BMPR1A: variants seen among roughly 807,000 people sequenced by gnomAD.
BMPR1A encodes the protein bone morphogenetic protein receptor type 1A.
Under a neutral mutation model 66.0 loss-of-function variants are expected in BMPR1A, and 7 were observed. The observed-to-expected ratio is 0.11, with a 90% CI of 0.06 to 0.20. The LOEUF (loss-of-function observed/expected upper bound fraction) is 0.20. Among genes scored for constraint, BMPR1A ranks in the 10% least tolerant of loss-of-function variants. The pLI, the probability that BMPR1A is intolerant of heterozygous loss-of-function variation, is 1.00. For missense variants in BMPR1A, 408 were observed against 669.1 expected (o/e 0.61, Z 4.31); for synonymous variants, 200 against 229.7 (o/e 0.87, Z 1.17).
intron 7 of BMPR1A, among the ~76,000 whole-genome samples, chr10:86,904,411 G>A (rs1423548751): frequency 6.6e-6 from 1 of 152,196 alleles, no homozygotes; most frequent in Non-Finnish European, 1.5e-5. Context: ...ACCTTCTGTT[G>A]GAAACAGTGC....
chr10:86,925,053 G>A lies in BMPR1A; in HGVS notation c.*1334G>A. On this transcript the variant is annotated 3_prime_UTR_variant, in exon 13 of 13. Coordinates refer to ENST00000372037, the MANE Select transcript of BMPR1A (RefSeq NM_004329.3). ...TGTTCTGGACAGCTAAATCATTTGA[G>A]ATTTTTGGTTTTTTGATTTCTATTC... The A allele has an allele frequency of 4.3e-6, 1 of 232,130 alleles. No individual in the cohort carries two copies. The highest frequency in any genetic ancestry group is 8.5e-6 in the Non-Finnish European group (1 of 117,434). 14.4% of individuals were successfully genotyped at this position (232,130 alleles called of 1,614,324 possible). A position where few individuals can be genotyped will look rare whatever the true frequency, so the allele number is the denominator to read the frequency against.
chr10:86,785,886 A>G (rs896605806), intron 1 of BMPR1A, among the ~76,000 whole-genome samples: 4 of 152,336 alleles, frequency 2.6e-5, no homozygotes, highest in African/African-American at 9.6e-5. Flanking sequence ...CACTAAGTTC[A>G]GGAGAGTCCT....
rs36002213 is a variant in BMPR1A at position 86,913,289 on chromosome 10, A to ATTTTT, written c.675+922_675+926dup. On this transcript the variant is annotated intron_variant, in intron 8 of 12. Coordinates refer to ENST00000372037, the MANE Select transcript of BMPR1A (RefSeq NM_004329.3). ...CCAGATGCACCACCACACCAGGCTA[A>ATTTTT]TTTTTTTTTTTTTTTTTTTTTGAGG... 4.0e-4 allele frequency among the ~76,000 whole-genome samples: 48 copies of ATTTTT among 119,050 alleles called. 2 individuals are homozygous for ATTTTT. Among genetic ancestry groups the ATTTTT allele is most frequent in the East Asian group, 1.3e-3 (5 of 3,730 alleles). The allele number at this position is 119,050 out of a possible 152,430, so 78.1% of individuals were successfully genotyped here.
At chr10:86,832,868 T>C (rs1842291538) in intron 1 of BMPR1A, among the ~76,000 whole-genome samples, 1 of 152,238 alleles carries the variant, frequency 6.6e-6, no homozygotes, top group African/African-American at 2.4e-5. Flanking sequence ...AAAGCTGCTA[T>C]GAACATCTGT....
chr10:86,774,531 T>C (rs1841315348), intron 1 of BMPR1A, among the ~76,000 whole-genome samples: 1 of 152,178 alleles, frequency 6.6e-6, no homozygotes, highest in African/African-American at 2.4e-5. Context: ...ATGATTCTTA[T>C]TTTACACAAA....
chr10:86,814,719 T>A (rs1056202507), intron 1 of BMPR1A, among the ~76,000 whole-genome samples: 4 of 152,170 alleles, frequency 2.6e-5, no homozygotes, highest in Non-Finnish European at 5.9e-5. Context: ...CCTTCTAGCA[T>A]GATGTATTTG....
intron 7 of BMPR1A, among the ~76,000 whole-genome samples, chr10:86,902,907 A>C (rs1464673816): frequency 6.6e-6 from 1 of 152,200 alleles, no homozygotes; most frequent in Non-Finnish European, 1.5e-5. Flanking sequence ...GGATCTGTTC[A>C]CACCAGCTGT....
chr10:86,877,922 G>A (rs1223164217), intron 3 of BMPR1A, among the ~76,000 whole-genome samples: 1 of 152,078 alleles, frequency 6.6e-6, no homozygotes, highest in African/African-American at 2.4e-5. Context: ...TTTATTAGGT[G>A]GAATAAGTTG....
At position 86,903,171 on chromosome 10, in the gene BMPR1A, A is replaced by G. The variant is rs1301334168; in HGVS notation, c.530+3045A>G. ...ATCTGCCATCCAATAAATGAATACTATGAATAAATGAATACATATATAAAT... is the reference window on the plus strand; with the variant it reads ...ATCTGCCATCCAATAAATGAATACTGTGAATAAATGAATACATATATAAAT... On this transcript the variant is annotated intron_variant, in intron 7 of 12. Transcript: ENST00000372037. 3.9e-5 allele frequency among the ~76,000 whole-genome samples: 6 copies of G among 152,374 alleles called. No homozygotes were observed. The East Asian group carries it at 9.6e-4, about 24-fold the overall frequency.
intron 5 of BMPR1A, among the ~76,000 whole-genome samples, chr10:86,895,999 C>G (rs920290406): frequency 9.2e-5 from 14 of 151,888 alleles, no homozygotes; most frequent in Non-Finnish European, 2.1e-4. Flanking sequence ...ACTAGAAATA[C>G]AAAAATTAGC....
intron 1 of BMPR1A, among the ~76,000 whole-genome samples, chr10:86,809,907 A>G (rs1220893205): frequency 6.6e-6 from 1 of 151,664 alleles, no homozygotes; most frequent in South Asian, 2.1e-4. Context: ...CATTTAGCAC[A>G]TTTTTTCAAG....
intron 1 of BMPR1A, among the ~76,000 whole-genome samples, chr10:86,784,989 C>T (rs1434227379): frequency 6.6e-6 from 1 of 152,052 alleles, no homozygotes; most frequent in Non-Finnish European, 1.5e-5. Flanking sequence ...TCCCTCTTAG[C>T]ACGGCTTTTC....
intron 7 of BMPR1A, among the ~76,000 whole-genome samples, chr10:86,901,590 A>G (rs1296700024): frequency 6.6e-6 from 1 of 152,144 alleles, no homozygotes; most frequent in Non-Finnish European, 1.5e-5. Flanking sequence ...GAATTCCAAC[A>G]GTGTTTACTG....
At chr10:86,813,750 C>A (rs1418628265) in intron 1 of BMPR1A, among the ~76,000 whole-genome samples, 1 of 152,146 alleles carries the variant, frequency 6.6e-6, no homozygotes, top group African/African-American at 2.4e-5. Flanking sequence ...CCTCTTCGTC[C>A]CTGTGTAGTC....
chr10:86,819,112 A>G (rs1055419352), intron 1 of BMPR1A, among the ~76,000 whole-genome samples: 3 of 152,050 alleles, frequency 2.0e-5, no homozygotes, highest in African/African-American at 7.2e-5. Context: ...TTATATTCTT[A>G]TTTCCGTGAC....
At chr10:86,834,785 C>T (rs1842317849) in intron 1 of BMPR1A, among the ~76,000 whole-genome samples, 2 of 151,992 alleles carry the variant, frequency 1.3e-5, no homozygotes, top group South Asian at 2.1e-4. Context: ...TTCTAGTTAT[C>T]GTACCAAAGT....
chr10:86,930,224 C>T (rs1229884229), downstream of BMPR1A: 1 of 152,060 alleles, frequency 6.6e-6, no homozygotes, highest in African/African-American at 2.4e-5. Flanking sequence ...GTGGCACATA[C>T]AAAAAATATT....
At position 86,892,196 on chromosome 10, in the gene BMPR1A, T is replaced by C. The variant is rs754180012; in HGVS notation, c.300T>C (p.Cys100=). 2 of 1,613,888 alleles carry C rather than the reference T, an allele frequency of 1.2e-6. No individual in the cohort carries two copies. The highest frequency in any genetic ancestry group is 1.7e-4 in the Middle Eastern group (1 of 6,060). ...GAGAAACCACATTAGCTTCAGGGTG[T>C]ATGAAATATGAAGGATCTGATTTTC... ...DQGETTLASG[C]MKYEGSDFQC... The change falls in exon 5 of 13, where the codon TGT becomes TGC. Residue 100 remains cysteine (C), a synonymous_variant. Transcript: ENST00000372037.
intron 3 of BMPR1A, among the ~76,000 whole-genome samples, chr10:86,876,616 T>C (rs985498068): frequency 1.5e-4 from 23 of 152,022 alleles, no homozygotes; most frequent in African/African-American, 5.3e-4. Flanking sequence ...ACCTCATCTT[T>C]ACCAAAAAAT....
Sources: gnomAD v4.1 joint callset for allele counts (sites outside exome capture counted in the v4.1 genomes callset) on GRCh38, gnomAD v4.1.1 for gene constraint, MANE v1.5 for transcripts, NCBI Gene and HGNC (gene_info 2026-07-23, HGNC 2026-07-21) for gene names.